CDH8: variants seen among roughly 807,000 people sequenced by gnomAD.
CDH8 encodes the protein cadherin-8.
A neutral mutation model predicts 68.1 loss-of-function variants in CDH8; 17 were observed. That is an observed-to-expected ratio of 0.25 (90% confidence interval 0.17 to 0.37). The LOEUF is 0.37. Among genes scored for constraint, CDH8 ranks in the 10% least tolerant of loss-of-function variants. The probability of loss-of-function intolerance (pLI) is 1.00; values close to 1 mark genes in which losing one functional copy is unlikely to be tolerated. For missense variants in CDH8, 763 were observed against 999.3 expected, an observed-to-expected ratio of 0.76 and a Z score of 3.19; for synonymous variants, 372 against 365.1, an observed-to-expected ratio of 1.02 and a Z score of -0.21.
chr16:61,754,425 GGATA>G (rs1252226399), intron 8 of CDH8, among the ~76,000 whole-genome samples: 1 of 151,984 alleles, frequency 6.6e-6, no homozygotes, highest in Non-Finnish European at 1.5e-5. Context: ...ATTGTTGGAT[GGATA>G]AACAAGTGAT....
At position 62,021,194 on chromosome 16, in the gene CDH8, G is replaced by A. The variant is rs772585094; in HGVS notation, c.210C>T (p.Val70=). The A allele has an allele frequency of 3.1e-6, 5 of 1,613,858 alleles. No individual in the cohort carries two copies. The East Asian group carries it at 8.9e-5, about 29-fold the overall frequency. Residue 70 remains valine (V), a synonymous_variant, in exon 2 of 12, where the codon GTC becomes GTT. Transcript: ENST00000577390. ...KRGWVWNQMF[V]LEEFSGPEPI... is the part of the protein sequence containing the mutation. ...GTTCAGGTCCAGAAAACTCTTCCAGGACAAACATTTGATTCCAAACCCAGC... is the reference window on the plus strand; with the variant it reads ...GTTCAGGTCCAGAAAACTCTTCCAGAACAAACATTTGATTCCAAACCCAGC...
At chr16:61,943,162 C>A (rs751746514) in intron 2 of CDH8, among the ~76,000 whole-genome samples, 1 of 152,162 alleles carries the variant, frequency 6.6e-6, no homozygotes, top group Non-Finnish European at 1.5e-5. Flanking sequence ...TGCATTATAT[C>A]ACTCTGTTTC....
intron 10 of CDH8, among the ~76,000 whole-genome samples, chr16:61,713,336 G>C (rs1204820580): frequency 6.6e-6 from 1 of 151,620 alleles, no homozygotes; most frequent in South Asian, 2.1e-4. Flanking sequence ...AAATAATGCT[G>C]ATAAGCAATG....
intron 10 of CDH8, among the ~76,000 whole-genome samples, chr16:61,681,130 A>G (rs4570834): frequency 0.11 from 17,383 of 151,886 alleles, 1,004 homozygotes; most frequent in Non-Finnish European, 0.12. Context: ...TTCTTAAAAT[A>G]TTAAACTTAT....
intron 3 of CDH8, among the ~76,000 whole-genome samples, chr16:61,860,721 C>T (rs1250575616): frequency 6.6e-6 from 1 of 151,884 alleles, no homozygotes; most frequent in African/African-American, 2.4e-5. Flanking sequence ...CATATGTAAT[C>T]GAAAAAGAAA....
chr16:61,696,865 C>T (rs1312915758), intron 10 of CDH8, among the ~76,000 whole-genome samples: 2 of 152,124 alleles, frequency 1.3e-5, no homozygotes, highest in African/African-American at 2.4e-5. Flanking sequence ...TGCATGTTCT[C>T]ACTTATGAGC....
chr16:61,846,301 G>A (rs1267719556), intron 4 of CDH8, among the ~76,000 whole-genome samples: 2 of 152,116 alleles, frequency 1.3e-5, no homozygotes, highest in African/African-American at 4.8e-5. Flanking sequence ...TAATAAGCAA[G>A]AAAACATCCA....
At chr16:61,822,619 G>A (rs1036601182) in intron 5 of CDH8, among the ~76,000 whole-genome samples, 6 of 151,766 alleles carry the variant, frequency 4.0e-5, no homozygotes, top group Admixed American at 6.6e-5. Flanking sequence ...CGAAGTTATA[G>A]GACTGGGGAT....
chr16:61,941,611 G>A (rs545543652), intron 2 of CDH8, among the ~76,000 whole-genome samples: 3 of 152,162 alleles, frequency 2.0e-5, no homozygotes, highest in Non-Finnish European at 1.5e-5. Context: ...CACCAAACCC[G>A]GATAACTTTT....
At chr16:61,963,238 G>A (rs2150572706) in intron 2 of CDH8, among the ~76,000 whole-genome samples, 1 of 152,194 alleles carries the variant, frequency 6.6e-6, no homozygotes, top group South Asian at 2.1e-4. Flanking sequence ...TGGACCCTAG[G>A]CACACCCTTC....
intron 6 of CDH8, among the ~76,000 whole-genome samples, chr16:61,818,942 T>TC (rs1162736155): frequency 6.6e-6 from 1 of 151,308 alleles, no homozygotes; most frequent in Non-Finnish European, 1.5e-5. Flanking sequence ...CTCCTTTTTT[T>TC]TTTTTTTTTT....
chr16:62,020,968 A>G (rs74549724), intron 2 of CDH8, among the ~76,000 whole-genome samples, 184 bp downstream of exon 2: 4,754 of 152,286 alleles, frequency 0.031, 257 homozygotes, highest in African/African-American at 0.11. Context: ...CTTTCCCTAC[A>G]AGACCATTTA....
chr16:61,917,005 C>T (rs566789875), intron 2 of CDH8, among the ~76,000 whole-genome samples: 1 of 151,020 alleles, frequency 6.6e-6, no homozygotes, highest in East Asian at 1.9e-4. Context: ...TGAAAGTGAC[C>T]TTGTGCTAGG....
At chr16:61,855,610 A>C (rs1963028814) in intron 4 of CDH8, among the ~76,000 whole-genome samples, 1 of 152,178 alleles carries the variant, frequency 6.6e-6, no homozygotes, top group South Asian at 2.1e-4. Flanking sequence ...ATGGTGAACA[A>C]AAAGACCCAA....
chr16:61,844,260 A>C (rs1429562890), intron 4 of CDH8, among the ~76,000 whole-genome samples: 3 of 123,674 alleles, frequency 2.4e-5, no homozygotes, highest in Non-Finnish European at 4.8e-5. Flanking sequence ...GGAACATCAC[A>C]CACCGGGGAC....
At chr16:61,858,565 A>G (rs1963093263) in intron 3 of CDH8, among the ~76,000 whole-genome samples, 1 of 152,230 alleles carries the variant, frequency 6.6e-6, no homozygotes, top group Non-Finnish European at 1.5e-5. Context: ...TTAATGAGAA[A>G]CAGCAGGCAG....
Position 61,940,037 on chromosome 16 carries a change from A to G in CDH8, c.253-38564T>C, listed in dbSNP as rs976720322. On this transcript the variant is annotated intron_variant, in intron 2 of 11. Transcript: ENST00000577390. ...AAGAGGTGCATTCCCTTCTTAGCATATCTCCTTATTAATTCACCCATTTTA... is the reference window on the plus strand; with the variant it reads ...AAGAGGTGCATTCCCTTCTTAGCATGTCTCCTTATTAATTCACCCATTTTA... 9.2e-5 allele frequency among the ~76,000 whole-genome samples: 14 copies of G among 152,186 alleles called. 1 individual carries two copies. In the South Asian group the frequency reaches 1.9e-3, roughly 20 times the overall value.
chr16:61,981,620 A>T (rs960822130), intron 2 of CDH8, among the ~76,000 whole-genome samples: 1 of 152,050 alleles, frequency 6.6e-6, no homozygotes, highest in African/African-American at 2.4e-5. Context: ...CAAAAAATAC[A>T]TATCTTTTGA....
At chr16:61,662,546 A>G (rs924955161) in intron 10 of CDH8, among the ~76,000 whole-genome samples, 2 of 151,830 alleles carry the variant, frequency 1.3e-5, no homozygotes, top group Non-Finnish European at 2.9e-5. Context: ...AGATAGAAGG[A>G]TATGCTGACA....
Sources: gnomAD v4.1 joint callset for allele counts (sites outside exome capture counted in the v4.1 genomes callset) on GRCh38, gnomAD v4.1.1 for gene constraint, MANE v1.5 for transcripts, NCBI Gene and HGNC (gene_info 2026-07-23, HGNC 2026-07-21) for gene names.